Variants in GEMIN6 observed in about 807,000 individuals in gnomAD.
GEMIN6 encodes gem nuclear organelle associated protein 6.
In GEMIN6, 13 loss-of-function variants were observed where a neutral mutation model predicts 14.1. The ratio of observed to expected loss-of-function variants is 0.92; its 90% CI spans 0.60 to 1.46. GEMIN6 has a LOEUF of 1.46. GEMIN6 is among the 40% of genes most tolerant of loss of function. The pLI is 0.00. For synonymous variants in GEMIN6, 87 were observed against 70.0 expected (o/e 1.24, Z -1.21); for missense variants, 271 against 202.4 (o/e 1.34, Z -2.06).
At chr2:38,781,369 C>A (rs928906011) in intron 2 of GEMIN6, 148 bp from the exon 3 acceptor site, 1 of 839,324 alleles carries the variant, frequency 1.2e-6, no homozygotes, top group Non-Finnish European at 1.9e-6. Context: ...AAAAAGTTTA[C>A]CTATTTAGGA....
intron 1 of GEMIN6, 39 bp from the exon 2 acceptor site, chr2:38,778,933 C>T (rs1669011478): frequency 2.6e-6 from 4 of 1,539,356 alleles, no homozygotes; most frequent in Admixed American, 2.0e-5. Flanking sequence ...CATTTGCTTA[C>T]GTGGAACATA....
rs2148514659 is a variant in GEMIN6, at chr2:38,782,989, C to G, written c.*1097C>G. The G allele has an allele frequency of 6.6e-6, 1 of 151,924 alleles. No homozygotes were observed. Among genetic ancestry groups the G allele is most frequent in the South Asian group, 2.1e-4 (1 of 4,788 alleles). 9.4% of individuals were successfully genotyped at this position (151,924 alleles called of 1,614,324 possible). A position where few individuals can be genotyped will look rare whatever the true frequency, so the allele number is the denominator to read the frequency against. On this transcript the variant is annotated 3_prime_UTR_variant, in exon 3 of 3. Coordinates refer to ENST00000281950, the MANE Select transcript of GEMIN6 (RefSeq NM_024775.10). ...GTTCAAGCAATTCTCCTGCCTCAGCCTCCTGAGTAGCTGGTATTACAGGCA... is the reference window on the plus strand; with the variant it reads ...GTTCAAGCAATTCTCCTGCCTCAGCGTCCTGAGTAGCTGGTATTACAGGCA...
In GEMIN6 at chr2:38,782,111, A is replaced by T. The variant is rs1669105818; in HGVS notation, c.*219A>T. ...AGCATCCCATGCATAAAATTAGCAC[A>T]GGGACATCAGAATTGTATGGGTCTT... On this transcript the variant is annotated 3_prime_UTR_variant, in exon 3 of 3. Coordinates refer to ENST00000281950, the MANE Select transcript of GEMIN6 (RefSeq NM_024775.10). 2.1e-6 allele frequency: 1 copy of T among 486,392 alleles called. No individual in the cohort carries two copies. Among genetic ancestry groups the T allele is most frequent in the Non-Finnish European group, 3.6e-6 (1 of 279,124 alleles). 30.1% of individuals were successfully genotyped at this position (486,392 alleles called of 1,614,324 possible).
chr2:38,779,636 C>A (rs1402185152), intron 2 of GEMIN6, among the ~76,000 whole-genome samples: 15 of 36,074 alleles, frequency 4.2e-4, no homozygotes, highest in African/African-American at 1.3e-3. Flanking sequence ...ATTATTCTTA[C>A]TATATATATA....
intron 2 of GEMIN6, among the ~76,000 whole-genome samples, chr2:38,779,674 T>A (rs1407174666): frequency 8.9e-4 from 75 of 83,994 alleles, no homozygotes; most frequent in African/African-American, 1.9e-3. Context: ...ATTTTTTTTT[T>A]TTTTTTTTTT....
rs1271816574 is a variant in GEMIN6 at position 38,781,708 on chromosome 2, A to G, written c.320A>G (p.Lys107Arg). The G allele has an allele frequency of 6.2e-7, 1 of 1,614,236 alleles. No homozygotes were observed. The highest frequency in any genetic ancestry group is 2.2e-5 in the East Asian group (1 of 44,886). The change falls in exon 3 of 3, where the codon AAG (lysine) becomes AGG (arginine). Residue 107 changes from lysine to arginine, a missense_variant. Coordinates refer to ENST00000281950, the MANE Select transcript of GEMIN6 (RefSeq NM_024775.10). ...CTGGAAGAGAGAAAGAACAGCCTAA[A>G]GAAATGGCTTGAGAAGAACCACATC... ...EDLEERKNSL[K>R]KWLEKNHIPI...
intron 2 of GEMIN6, among the ~76,000 whole-genome samples, chr2:38,779,666 T>A (rs28386898): frequency 2.2e-3 from 111 of 50,824 alleles, no homozygotes; most frequent in African/African-American, 3.6e-3. Flanking sequence ...ATATATATAT[T>A]TTTTTTTTTT....
chr2:38,780,371 A>G (rs1288794619), intron 2 of GEMIN6, among the ~76,000 whole-genome samples: 1 of 151,576 alleles, frequency 6.6e-6, no homozygotes, highest in Non-Finnish European at 1.5e-5. Flanking sequence ...AACCACAAAA[A>G]CTTTTTTTTT....
chr2:38,784,664 C>T lies in GEMIN6; in HGVS notation c.*2772C>T, dbSNP rs1184212887. Reference sequence around the variant, plus strand: ...CAGACTAATGAGCTGGGGACATTGACTGTTTCCTGGCAACTGAGTCCTCTG... The same window carrying T: ...CAGACTAATGAGCTGGGGACATTGATTGTTTCCTGGCAACTGAGTCCTCTG... On this transcript the variant is annotated 3_prime_UTR_variant, in exon 3 of 3. Transcript: ENST00000281950. 6.6e-6 allele frequency: 1 copy of T among 152,198 alleles called. No individual in the cohort carries two copies. Among genetic ancestry groups the T allele is most frequent in the Non-Finnish European group, 1.5e-5 (1 of 68,038 alleles). 9.4% of individuals were successfully genotyped at this position (152,198 alleles called of 1,614,324 possible). A position where few individuals can be genotyped will look rare whatever the true frequency, so the allele number is the denominator to read the frequency against.
At chr2:38,779,636 CTATATATATATATATA>C (rs1171290307) in intron 2 of GEMIN6, among the ~76,000 whole-genome samples, 14 of 36,080 alleles carry the variant, frequency 3.9e-4, no homozygotes, top group African/African-American at 1.3e-3. Flanking sequence ...ATTATTCTTA[CTATATATATATATATA>C]TATATATATA....
chr2:38,778,643 G>A (rs534566844), intron 1 of GEMIN6, among the ~76,000 whole-genome samples: 159 of 152,292 alleles, frequency 1.0e-3, no homozygotes, highest in African/African-American at 3.6e-3. Context: ...GAATGTGGTT[G>A]TGGATCGGAA....
chr2:38,781,809 C>A lies in GEMIN6; in HGVS notation c.421C>A (p.Pro141Thr). The A allele has an allele frequency of 6.2e-7, 1 of 1,614,076 alleles. No individual in the cohort carries two copies. Among genetic ancestry groups the A allele is most frequent in the Non-Finnish European group, 8.5e-7 (1 of 1,179,998 alleles). The change falls in exon 3 of 3, where the codon CCA becomes ACA. Residue 141 changes from proline to threonine, a missense_variant. Transcript: ENST00000281950. The stretch of plus-strand genomic sequence containing the variant: ...CCTGACTATAGACCCACCATATGGT[C>A]CAGAAAATTGCAGCAGCTCTAATGA... ...GVLTIDPPYGPENCSSSNEII... is the reference protein window; with the variant it reads ...GVLTIDPPYGTENCSSSNEII...
In GEMIN6 at chr2:38,784,550, C is replaced by T. The variant is rs1012788165; in HGVS notation, c.*2658C>T. Reference sequence around the variant, plus strand: ...TGTCTCAAAAAAAAAAAAAAAGCCACGTAGGAAATTATCCACAGCATCAAT... The same window carrying T: ...TGTCTCAAAAAAAAAAAAAAAGCCATGTAGGAAATTATCCACAGCATCAAT... On this transcript the variant is annotated 3_prime_UTR_variant, in exon 3 of 3. Transcript: ENST00000281950. The T allele has an allele frequency of 1.3e-5, 2 of 149,332 alleles. No homozygotes were observed. The highest frequency in any genetic ancestry group is 2.1e-4 in the South Asian group (1 of 4,766). 9.3% of individuals were successfully genotyped at this position (149,332 alleles called of 1,614,324 possible).
intron 2 of GEMIN6, among the ~76,000 whole-genome samples, chr2:38,780,162 CAA>C (rs1027584369): frequency 6.7e-6 from 1 of 150,054 alleles, no homozygotes; most frequent in Non-Finnish European, 1.5e-5. Flanking sequence ...ACTGAAAATA[CAA>C]AAAAAATTAG....
In GEMIN6 at chr2:38,783,050, A is replaced by T. The variant is rs1203380789; in HGVS notation, c.*1158A>T. 1 of 151,658 alleles carries T rather than the reference A, an allele frequency of 6.6e-6. No individual in the cohort carries two copies. The highest frequency in any genetic ancestry group is 1.5e-5 in the Non-Finnish European group (1 of 68,044). 9.4% of individuals were successfully genotyped at this position (151,658 alleles called of 1,614,324 possible). The stretch of plus-strand genomic sequence containing the variant: ...CGCCCCACTAATTTTGTATTTTTTT[A>T]GTAGAGACGGGGTTTTTCCATGTTG... On this transcript the variant is annotated 3_prime_UTR_variant, in exon 3 of 3. Coordinates refer to ENST00000281950, the MANE Select transcript of GEMIN6 (RefSeq NM_024775.10).
intron 2 of GEMIN6, among the ~76,000 whole-genome samples, chr2:38,779,648 ATATATATATATATATATTTTT>A (rs1669032015): frequency 4.2e-5 from 1 of 23,680 alleles, no homozygotes; most frequent in Non-Finnish European, 1.3e-4. Flanking sequence ...ATATATATAT[ATATATATATATATATATTTTT>A]TTTTTTTTTT....
In GEMIN6 at chr2:38,778,290, C is replaced by T. The variant is rs1046864580; in HGVS notation, c.-20+9C>T. On this transcript the variant is annotated intron_variant, in intron 1 of 2. Coordinates refer to ENST00000281950, the MANE Select transcript of GEMIN6 (RefSeq NM_024775.10). ...GAGGAGTTTTTTAACTGGTATTTTT[C>T]TCGTTTGTCAGGGTTAAACGTTAAG... 6.6e-6 allele frequency: 1 copy of T among 152,156 alleles called. No individual in the cohort carries two copies. Among genetic ancestry groups the T allele is most frequent in the Non-Finnish European group, 1.5e-5 (1 of 68,046 alleles). 9.4% of individuals were successfully genotyped at this position (152,156 alleles called of 1,614,324 possible).
At chr2:38,780,270 A>C (rs1669050080) in intron 2 of GEMIN6, among the ~76,000 whole-genome samples, 1 of 151,034 alleles carries the variant, frequency 6.6e-6, no homozygotes, top group South Asian at 2.1e-4. Flanking sequence ...CCGTGAGCTG[A>C]GATCGCGCCA....
intron 2 of GEMIN6, 71 bp from the exon 3 acceptor site, chr2:38,781,441 CAGAGT>C (rs1669083243): frequency 2.2e-6 from 3 of 1,356,958 alleles, no homozygotes; most frequent in Middle Eastern, 2.0e-4. Flanking sequence ...TAATTTCAAA[CAGAGT>C]AGAGTGTCAT....
Sources: gnomAD v4.1 joint callset for allele counts (sites outside exome capture counted in the v4.1 genomes callset) on GRCh38, gnomAD v4.1.1 for gene constraint, MANE v1.5 for transcripts, NCBI Gene and HGNC (gene_info 2026-07-23, HGNC 2026-07-21) for gene names.